The following C12orf54 variants were observed in gnomAD, a reference collection of about 807,000 sequenced individuals.
The protein encoded by C12orf54 is chromosome 12 open reading frame 54.
Under a neutral mutation model 26.4 loss-of-function variants are expected in C12orf54, and 24 were observed. The ratio of observed to expected loss-of-function variants is 0.91; its 90% CI spans 0.66 to 1.28. The LOEUF (loss-of-function observed/expected upper bound fraction) is 1.28. Ranked by LOEUF, C12orf54 falls within the 50% of genes most tolerant of loss-of-function variation. C12orf54 has a pLI of 0.00. For synonymous variants in C12orf54, 54 were observed against 47.0 expected (o/e 1.15, Z -0.61); for missense variants, 154 against 150.9 (o/e 1.02, Z -0.11).
At chr12:48,428,031 T>C in the C12orf54 span, among the ~76,000 whole-genome samples, 15 of 152,000 alleles carry the variant, frequency 9.9e-5, no homozygotes, top group Non-Finnish European at 1.6e-4. Context: ...TTCAAAACCA[T>C]GAAAATACAT....
the C12orf54 span, chr12:48,473,740 T>C: frequency 5.7e-6 from 1 of 176,698 alleles, no homozygotes; most frequent in Non-Finnish European, 1.2e-5. Flanking sequence ...AGTTCTCTTA[T>C]GTTTCCTGGT....
At chr12:48,440,756 A>G in the C12orf54 span, among the ~76,000 whole-genome samples, 1 of 152,238 alleles carries the variant, frequency 6.6e-6, no homozygotes, top group African/African-American at 2.4e-5. Context: ...CCAAAACACA[A>G]TTTCACAGAT....
At chr12:48,457,414 A>G in the C12orf54 span, among the ~76,000 whole-genome samples, 1 of 151,188 alleles carries the variant, frequency 6.6e-6, no homozygotes, top group Non-Finnish European at 1.5e-5. Flanking sequence ...GCTCACTGCA[A>G]CCTCTGCCTT....
chr12:48,469,908 C>A, the C12orf54 span, among the ~76,000 whole-genome samples: 2 of 152,130 alleles, frequency 1.3e-5, no homozygotes, highest in Non-Finnish European at 2.9e-5. Flanking sequence ...TTCCTGAATG[C>A]CCAAAGTTTC....
chr12:48,488,912 G>A lies in C12orf54; in HGVS notation c.136-12G>A. 3.1e-6 allele frequency: 5 copies of A among 1,592,480 alleles called. No individual in the cohort carries two copies. The highest frequency in any genetic ancestry group is 4.3e-6 in the Non-Finnish European group (5 of 1,162,984). On this transcript the variant is annotated splice_polypyrimidine_tract_variant and intron_variant, in intron 4 of 8. Coordinates refer to ENST00000548364, the MANE Select transcript of C12orf54 (RefSeq NM_152319.4). ...ACAATATTATTTTTTCTATATTTTT[G>A]TCTTCTGTCAGGTGCTGACAGTTTT...
the C12orf54 span, among the ~76,000 whole-genome samples, chr12:48,422,116 T>C: frequency 6.6e-6 from 1 of 152,110 alleles, no homozygotes; most frequent in Non-Finnish European, 1.5e-5. Context: ...TAAATAATAA[T>C]TGTAAGAAGG....
the C12orf54 span, among the ~76,000 whole-genome samples, chr12:48,474,963 T>G: frequency 9.8e-5 from 15 of 152,334 alleles, no homozygotes; most frequent in African/African-American, 2.9e-4. Flanking sequence ...AGTGGGCCCC[T>G]GACCCCTGAG....
the C12orf54 span, among the ~76,000 whole-genome samples, chr12:48,448,633 C>T: frequency 3.3e-5 from 5 of 152,122 alleles, no homozygotes; most frequent in Admixed American, 1.3e-4. Context: ...CTCTCTTTCC[C>T]GTTGTTACAT....
At chr12:48,439,015 G>T in the C12orf54 span, among the ~76,000 whole-genome samples, 1 of 152,080 alleles carries the variant, frequency 6.6e-6, no homozygotes, top group Non-Finnish European at 1.5e-5. Flanking sequence ...ATCTGACAAA[G>T]GGCTGATATC....
the C12orf54 span, among the ~76,000 whole-genome samples, chr12:48,424,591 A>G: frequency 6.6e-6 from 1 of 152,126 alleles, no homozygotes; most frequent in African/African-American, 2.4e-5. Context: ...TGAAATCCTC[A>G]TATGTTGCCA....
At chr12:48,472,586 T>C in the C12orf54 span, 1 of 1,557,100 alleles carries the variant, frequency 6.4e-7, no homozygotes, top group Non-Finnish European at 8.7e-7. Flanking sequence ...GGTTGAGCTT[T>C]CAAATGTGCG....
At chr12:48,478,782 G>C (rs867687624), upstream of C12orf54, among the ~76,000 whole-genome samples, 23 of 152,252 alleles carry the variant, frequency 1.5e-4, no homozygotes, top group African/African-American at 4.3e-4. Context: ...CCATCACTGT[G>C]CATCAGAGAA....
chr12:48,426,648 C>A, the C12orf54 span, among the ~76,000 whole-genome samples: 12 of 152,152 alleles, frequency 7.9e-5, no homozygotes, highest in African/African-American at 2.9e-4. Context: ...ATAAGAATAG[C>A]ATTGAATCTG....
chr12:48,465,953 A>G, the C12orf54 span, among the ~76,000 whole-genome samples: 6 of 152,330 alleles, frequency 3.9e-5, no homozygotes, highest in African/African-American at 9.6e-5. Flanking sequence ...TAATAGAACT[A>G]AAAGTAAAGC....
At chr12:48,482,294 T>C (rs1954206566), upstream of C12orf54, among the ~76,000 whole-genome samples, 1 of 152,132 alleles carries the variant, frequency 6.6e-6, no homozygotes, top group Non-Finnish European at 1.5e-5. Flanking sequence ...TCCAATGCAA[T>C]GGGTAGAAGG....
chr12:48,443,561 C>T, the C12orf54 span, among the ~76,000 whole-genome samples: 18 of 152,226 alleles, frequency 1.2e-4, no homozygotes, highest in Non-Finnish European at 2.6e-4. Flanking sequence ...ACAGAGAGAC[C>T]TCCAATGCTA....
chr12:48,473,175 G>C, the C12orf54 span: 2 of 1,445,560 alleles, frequency 1.4e-6, no homozygotes, highest in Middle Eastern at 3.5e-4. Context: ...GGATGACAAG[G>C]AGGAGGATGA....
the C12orf54 span, among the ~76,000 whole-genome samples, chr12:48,428,500 C>T: frequency 3.3e-5 from 5 of 151,982 alleles, no homozygotes; most frequent in African/African-American, 1.2e-4. Context: ...ACAACTGACA[C>T]CATAGAAATA....
chr12:48,469,583 C>T, the C12orf54 span, among the ~76,000 whole-genome samples: 2 of 152,136 alleles, frequency 1.3e-5, no homozygotes, highest in Non-Finnish European at 2.9e-5. Context: ...AGGCAACATA[C>T]ATCCTCATCT....
Sources: gnomAD v4.1 joint callset for allele counts (sites outside exome capture counted in the v4.1 genomes callset) on GRCh38, gnomAD v4.1.1 for gene constraint, MANE v1.5 for transcripts, NCBI Gene and HGNC (gene_info 2026-07-23, HGNC 2026-07-21) for gene names.